Variants in MIER2 observed in about 807,000 individuals in gnomAD.
MIER2 encodes the protein MIER family member 2.
Under a neutral mutation model 67.6 loss-of-function variants are expected in MIER2, and 30 were observed. The observed-to-expected ratio is 0.44, with a 90% confidence interval of 0.33 to 0.60. The LOEUF is 0.60. Among genes scored for constraint, MIER2 ranks in the 20% least tolerant of loss-of-function variants. The pLI is 0.02. For missense variants in MIER2, 702 were observed against 745.1 expected (o/e 0.94, Z 0.67); for synonymous variants, 372 against 312.6 (o/e 1.19, Z -2.00).
chr19:334,404 G>A lies in MIER2; in HGVS notation c.239C>T (p.Ser80Phe). ...AGGATCACCTTGGCCAAGTACCTGG[G>A]AGATGAAGTCCTTCTCCAGCTCCTC... ...PKEELEKDFI[S>F]QSNDMPFDEL... The change falls in exon 3 of 14, where the codon TCC (serine) becomes TTC (phenylalanine). Residue 80 changes from serine (S) to phenylalanine (F), a missense_variant. Physicochemically the swap from Ser to Phe is radical, Grantham distance 155. This residue lies in a region of MIER2 where 320 missense variants were observed against 292.6 expected (regional missense o/e 1.09). Transcript: ENST00000264819. 6.2e-7 allele frequency: 1 copy of A among 1,614,152 alleles called. No homozygotes were observed. The highest frequency in any genetic ancestry group is 8.5e-7 in the Non-Finnish European group (1 of 1,180,006).
intron 4 of MIER2, 43 bp downstream of exon 4, chr19:327,821 C>A (rs7257040): frequency 0.092 from 147,604 of 1,606,362 alleles, 8,318 homozygotes; most frequent in African/African-American, 0.23. Flanking sequence ...CAGGCCCCCC[C>A]ACCTTCAGCT....
chr19:325,269 G>A (rs893977424), intron 7 of MIER2, among the ~76,000 whole-genome samples: 7 of 152,246 alleles, frequency 4.6e-5, no homozygotes, highest in Admixed American at 3.9e-4. Flanking sequence ...CGCAGCATCC[G>A]GCGGGTCTCT....
chr19:306,601 T>C lies in MIER2; in HGVS notation c.*89A>G. 6.7e-7 allele frequency: 1 copy of C among 1,494,268 alleles called. No individual in the cohort carries two copies. Among genetic ancestry groups the C allele is most frequent in the Non-Finnish European group, 9.1e-7 (1 of 1,101,330 alleles). The allele number at this position is 1,494,268 out of a possible 1,614,324, so 92.6% of individuals were successfully genotyped here. On this transcript the variant is annotated 3_prime_UTR_variant, in exon 14 of 14. Transcript: ENST00000264819. ...AGGTGCTACCCCAAGGCCCGGGGGG[T>C]GGGGAAGGGGTCAGGAAGACTGACA...
In MIER2 at chr19:313,518, C is replaced by A; in HGVS notation, c.781G>T (p.Gly261Ter). 6.2e-7 allele frequency: 1 copy of A among 1,612,654 alleles called. No individual in the cohort carries two copies. The highest frequency in any genetic ancestry group is 8.5e-7 in the Non-Finnish European group (1 of 1,179,890). Residue 261 changes from glycine (G) to a stop codon, truncating the protein, a stop_gained, in exon 8 of 14, where the codon GGA becomes TGA. Transcript: ENST00000264819. LOFTEE classifies it high-confidence loss of function. ...HEMAGPQLPE[G>*]EAVKDSEQAL... ...TGCTCACTGTCTTTCACGGCTTCTC[C>A]CTCTGGGAGCTGAGGCCCGGCCATC...
chr19:328,699 GAT>G (rs1971880028), intron 3 of MIER2, among the ~76,000 whole-genome samples: 1 of 152,144 alleles, frequency 6.6e-6, no homozygotes, highest in Non-Finnish European at 1.5e-5. Flanking sequence ...AGTGAGCCAA[GAT>G]CACACCACTG....
chr19:342,200 G>A (rs113198491), intron 1 of MIER2, among the ~76,000 whole-genome samples: 7 of 152,312 alleles, frequency 4.6e-5, no homozygotes, highest in South Asian at 4.1e-4. Context: ...TTCCCTGGGC[G>A]CCCACTCTGG....
intron 1 of MIER2, among the ~76,000 whole-genome samples, chr19:342,274 T>C (rs542502436): frequency 2.0e-5 from 3 of 152,200 alleles, no homozygotes; most frequent in African/African-American, 7.2e-5. Context: ...TCCACCCACA[T>C]GGAGTTGCTA....
At chr19:338,311 T>G (rs920697453) in intron 1 of MIER2, among the ~76,000 whole-genome samples, 6 of 151,064 alleles carry the variant, frequency 4.0e-5, no homozygotes, top group African/African-American at 1.5e-4. Flanking sequence ...AATCAATACA[T>G]AAAAATCAAT....
At chr19:315,024 C>T (rs113990004) in intron 7 of MIER2, among the ~76,000 whole-genome samples, 2,217 of 152,182 alleles carry the variant, frequency 0.015, 25 homozygotes, top group Non-Finnish European at 0.02. Context: ...GATTGCACCA[C>T]TGCACTCCAG....
At chr19:341,733 G>C (rs1000825515) in intron 1 of MIER2, among the ~76,000 whole-genome samples, 1 of 152,262 alleles carries the variant, frequency 6.6e-6, no homozygotes, top group East Asian at 1.9e-4. Context: ...AAAAAGAGGG[G>C]GAGCAGGCCA....
chr19:310,200 T>C (rs1970888411), intron 10 of MIER2, among the ~76,000 whole-genome samples: 1 of 152,130 alleles, frequency 6.6e-6, no homozygotes, highest in Non-Finnish European at 1.5e-5. Flanking sequence ...CTGTGGCCAC[T>C]GCTGGTGATG....
In MIER2 at chr19:334,467, T is replaced by C. The variant is rs867757003; in HGVS notation, c.176A>G (p.Glu59Gly). Residue 59 changes from glutamate to glycine, a missense_variant, in exon 3 of 14, where the codon GAG becomes GGG. Around this residue, in one of 3 missense-constraint regions of MIER2, gnomAD observed 320 missense variants for 292.6 expected, o/e 1.09. Coordinates refer to ENST00000264819, the MANE Select transcript of MIER2 (RefSeq NM_017550.3). ...TGGGCACCTCGAGGCCTCCTCGCAC[T>C]CCCCCCTAACACTGTAGTTCTGTGA... is the stretch of plus-strand genomic sequence containing the variant. Reference protein sequence around the residue: ...ILSQNYSVRGECEEASRCPDK... With the variant: ...ILSQNYSVRGGCEEASRCPDK... 3.1e-6 allele frequency: 5 copies of C among 1,613,952 alleles called. No individual in the cohort carries two copies. The highest frequency in any genetic ancestry group is 4.2e-6 in the Non-Finnish European group (5 of 1,179,984).
At chr19:313,414 T>C in intron 8 of MIER2, 78 bp downstream of exon 8, 1 of 1,556,372 alleles carries the variant, frequency 6.4e-7, no homozygotes, top group Non-Finnish European at 8.6e-7. Context: ...CCCTGGCCCC[T>C]GGAGGCACTG....
At chr19:334,177 T>C in intron 3 of MIER2, 3 of 553,878 alleles carry the variant, frequency 5.4e-6, no homozygotes, top group Non-Finnish European at 6.2e-6. Context: ...GACCAGAAGA[T>C]TTGAGAGCAG....
intron 5 of MIER2, 50 bp downstream of exon 5, chr19:327,083 G>A: frequency 6.4e-7 from 1 of 1,550,662 alleles, no homozygotes; most frequent in Non-Finnish European, 8.7e-7. Context: ...CATCACGACT[G>A]CCTGGCAGGG....
chr19:321,445 G>A (rs1008338168), intron 7 of MIER2, among the ~76,000 whole-genome samples: 1 of 152,150 alleles, frequency 6.6e-6, no homozygotes, highest in African/African-American at 2.4e-5. Context: ...GGGAGTTCGA[G>A]ATCAGCTTGG....
At chr19:332,469 T>G (rs1418738573) in intron 3 of MIER2, among the ~76,000 whole-genome samples, 2 of 150,092 alleles carry the variant, frequency 1.3e-5, no homozygotes, top group African/African-American at 2.5e-5. Flanking sequence ...GCCCGGCTAA[T>G]TTTTGTATTT....
chr19:321,096 C>G (rs999421773), intron 7 of MIER2, among the ~76,000 whole-genome samples: 1 of 152,202 alleles, frequency 6.6e-6, no homozygotes, highest in Non-Finnish European at 1.5e-5. Context: ...GCAGCTTGTC[C>G]CACCTCAGCT....
At position 310,842 on chromosome 19, in the gene MIER2, G is replaced by A. The variant is rs112319198; in HGVS notation, c.984+1003C>T. On this transcript the variant is annotated intron_variant, in intron 10 of 13. Transcript: ENST00000264819. ...AACACGGCCAGGAGTCCAGAAACAC[G>A]GCCCACAACTCCAGAAACACGGCCC... is the stretch of plus-strand genomic sequence containing the variant. Among the ~76,000 whole-genome samples, 52 of 148,056 alleles carry A rather than the reference G, an allele frequency of 3.5e-4. 1 individual carries two copies. Among genetic ancestry groups the A allele is most frequent in the Admixed American group, 1.7e-3 (25 of 14,930 alleles).
Sources: allele counts gnomAD v4.1 joint callset (sites outside exome capture counted in the v4.1 genomes callset), GRCh38; gene constraint gnomAD v4.1.1; regional missense constraint gnomAD v4.1.1; transcripts MANE v1.5; gene names NCBI Gene and HGNC (gene_info 2026-07-23, HGNC 2026-07-21).